Variants in COL20A1 observed in about 807,000 individuals in gnomAD.
COL20A1 encodes the protein collagen alpha-1(XX) chain.
Under a neutral mutation model 152.9 loss-of-function variants are expected in COL20A1, and 164 were observed. The observed-to-expected ratio is 1.07, with a 90% CI of 0.94 to 1.22. COL20A1 has a LOEUF of 1.22. COL20A1 is among the 50% of genes most tolerant of loss of function. The pLI, the probability that COL20A1 is intolerant of heterozygous loss-of-function variation, is 0.00. For synonymous variants in COL20A1, 864 were observed against 756.0 expected (o/e 1.14, Z -2.34); for missense variants, 1,873 against 1,744.8 (o/e 1.07, Z -1.31).
intron 24 of COL20A1, 45 bp downstream of exon 24, chr20:63,320,242 T>C: frequency 6.2e-7 from 1 of 1,604,506 alleles, no homozygotes; most frequent in Non-Finnish European, 8.5e-7. Flanking sequence ...TGGTGGGGGC[T>C]GGCAGCCTCT....
Position 63,316,544 on chromosome 20 carries a change from C to T in COL20A1, c.2525-9C>T. Reference sequence around the variant, plus strand: ...CCCTCGGTGCCCCTTCCCCCACCATCTTCCCCAGGGTTTGACCTGATGGTG... The same window carrying T: ...CCCTCGGTGCCCCTTCCCCCACCATTTTCCCCAGGGTTTGACCTGATGGTG... On this transcript the variant is annotated splice_polypyrimidine_tract_variant and intron_variant, in intron 20 of 35. Coordinates refer to ENST00000358894, the MANE Select transcript of COL20A1 (RefSeq NM_020882.4). The T allele has an allele frequency of 6.9e-6, 11 of 1,585,450 alleles. No homozygotes were observed. Among genetic ancestry groups the T allele is most frequent in the Non-Finnish European group, 8.6e-6 (10 of 1,166,776 alleles).
chr20:63,299,602 C>T (rs75941628), intron 3 of COL20A1, among the ~76,000 whole-genome samples: 8,586 of 152,226 alleles, frequency 0.056, 328 homozygotes, highest in Middle Eastern at 0.11. Context: ...GCCCAGTGCC[C>T]GTAACCACTG....
chr20:63,311,931 C>G lies in COL20A1; in HGVS notation c.1679C>G (p.Pro560Arg). ...IRARTPTLAP[P>R]RHLGFSDVSH... ...TGCTTTGCAGCCACCCTGGCCCCCC[C>G]GAGACACCTGGGCTTCTCAGACGTG... The change falls in exon 14 of 36, where the codon CCG becomes CGG. Residue 560 changes from proline (P) to arginine (R), a missense_variant. Pro to Arg is a moderately radical substitution (Grantham distance 103, BLOSUM62 -2). Coordinates refer to ENST00000358894, the MANE Select transcript of COL20A1 (RefSeq NM_020882.4). This position sits in a 1 kb window ranked among gnomAD's most constrained non-coding sequence, Gnocchi z 4.4. The G allele has an allele frequency of 6.4e-7, 1 of 1,565,624 alleles. No homozygotes were observed. Among genetic ancestry groups the G allele is most frequent in the South Asian group, 1.2e-5 (1 of 85,470 alleles).
rs6089882 is a variant in COL20A1 at position 63,323,732 on chromosome 20, G to C, written c.3294+1621G>C. Among the ~76,000 whole-genome samples the C allele has an allele frequency of 3.2e-3, 491 of 152,332 alleles. 4 individuals are homozygous for C. Among genetic ancestry groups the C allele is most frequent in the African/African-American group, 0.011 (464 of 41,566 alleles). ...TGATGTGTCTGTTGTTCACAGGCGA[G>C]GGCTGTGCTGCTTAAATTATTACAG... On this transcript the variant is annotated intron_variant, in intron 27 of 35. Coordinates refer to ENST00000358894, the MANE Select transcript of COL20A1 (RefSeq NM_020882.4).
chr20:63,297,805 C>G, intron 2 of COL20A1, 105 bp from the exon 3 acceptor site: 1 of 852,516 alleles, frequency 1.2e-6, no homozygotes, highest in Admixed American at 2.2e-5. Flanking sequence ...CGGGATAGGA[C>G]TGTGTTCCTC....
In COL20A1 at chr20:63,331,808, G is replaced by A. The variant is rs2068337094; in HGVS notation, c.*1092G>A. ...GAAAAGTATTAAAAAGGAACAAAGA[G>A]AGACCCTTGATATTGACAGAAGGAA... On this transcript the variant is annotated 3_prime_UTR_variant, in exon 36 of 36. Transcript: ENST00000358894. 1 of 152,232 alleles carries A rather than the reference G, an allele frequency of 6.6e-6. No individual in the cohort carries two copies. The highest frequency in any genetic ancestry group is 2.1e-4 in the South Asian group (1 of 4,830). The allele number at this position is 152,232 out of a possible 1,614,324, so 9.4% of individuals were successfully genotyped here. A position where few individuals can be genotyped will look rare whatever the true frequency, so the allele number is the denominator to read the frequency against.
Position 63,325,443 on chromosome 20 carries a change from T to G in COL20A1, c.3297T>G (p.Gly1099=), listed in dbSNP as rs2123432062. 1 of 1,612,114 alleles carries G rather than the reference T, an allele frequency of 6.2e-7. No homozygotes were observed. The highest frequency in any genetic ancestry group is 2.2e-5 in the East Asian group (1 of 44,848). The part of the protein sequence containing the change: ...PGEQGFPGPR[G]PPGVKGEKGD... ...TCCAGCCCATCTTCCCCCTCCAGGG[T>G]CCACCAGGGGTCAAAGGAGAGAAGG... The change falls in exon 28 of 36, where the codon GGT becomes GGG. Residue 1099 remains glycine, a splice_region_variant and synonymous_variant. Transcript: ENST00000358894.
intron 30 of COL20A1, 39 bp from the exon 31 acceptor site, chr20:63,326,713 G>A (rs1282677965): frequency 8.2e-6 from 11 of 1,346,464 alleles, no homozygotes; most frequent in African/African-American, 3.1e-5. Flanking sequence ...CAGATTTGCT[G>A]GGGGCCCAAG....
rs747153432 is a variant in COL20A1, at chr20:63,319,162, C to G, written c.2768C>G (p.Ala923Gly). The stretch of plus-strand genomic sequence containing the variant: ...GCCTTCGCGCTGTGGCAGATGACAG[C>G]CGAGGACTTCCAGCCCCTCCTTGGG... ...REAFALWQMT[A>G]EDFQPLLGVL... The change falls in exon 22 of 36, where the codon GCC becomes GGC. Residue 923 changes from alanine to glycine, a missense_variant. Ala to Gly is a moderately conservative substitution (Grantham distance 60, BLOSUM62 0). Transcript: ENST00000358894. The surrounding 1 kb of genome is among the most constrained non-coding windows in gnomAD (Gnocchi z 4.4). 3.7e-6 allele frequency: 6 copies of G among 1,612,882 alleles called. No individual in the cohort carries two copies. Among genetic ancestry groups the G allele is most frequent in the Non-Finnish European group, 5.1e-6 (6 of 1,179,744 alleles).
At position 63,334,380 on chromosome 20, in the gene COL20A1, G is replaced by A. The variant is rs999548647; in HGVS notation, c.*3664G>A. On this transcript the variant is annotated 3_prime_UTR_variant, in exon 36 of 36. Transcript: ENST00000358894. ...TGTGCTGCAGCTGCAGTGGTACCTA[G>A]AGGGCAATTTATAGCTGTAAATACA... 6.6e-6 allele frequency: 1 copy of A among 152,226 alleles called. No individual in the cohort carries two copies. Among genetic ancestry groups the A allele is most frequent in the African/African-American group, 2.4e-5 (1 of 41,454 alleles). The allele number at this position is 152,226 out of a possible 1,614,324, so 9.4% of individuals were successfully genotyped here. A position where few individuals can be genotyped will look rare whatever the true frequency, so the allele number is the denominator to read the frequency against.
At position 63,305,499 on chromosome 20, in the gene COL20A1, C is replaced by T; in HGVS notation, c.276C>T (p.Thr92=). 6.2e-7 allele frequency: 1 copy of T among 1,608,156 alleles called. No homozygotes were observed. Among genetic ancestry groups the T allele is most frequent in the Non-Finnish European group, 8.5e-7 (1 of 1,177,770 alleles). Reference sequence around the variant, plus strand: ...GCCTGAGCCCCTCCAAGGGCTACACCTTGCAGATCTTCGAGCTCACTGGCT... The same window carrying T: ...GCCTGAGCCCCTCCAAGGGCTACACTTTGCAGATCTTCGAGCTCACTGGCT... ...VGGLSPSKGY[T]LQIFELTGSG... The change falls in exon 4 of 36, where the codon ACC becomes ACT. Residue 92 remains threonine (T), a synonymous_variant. Coordinates refer to ENST00000358894, the MANE Select transcript of COL20A1 (RefSeq NM_020882.4). This position sits in a 1 kb window ranked among gnomAD's most constrained non-coding sequence, Gnocchi z 4.9.
chr20:63,309,446 A>G lies in COL20A1; in HGVS notation c.1054A>G (p.Ser352Gly). Residue 352 changes from serine (S) to glycine (G), a missense_variant, in exon 9 of 36, where the codon AGC becomes GGC. Transcript: ENST00000358894. ...LQLGALAGLLSRLICQRLQGG... is the reference protein window; with the variant it reads ...LQLGALAGLLGRLICQRLQGG... ...GCTCGGCGCGCTGGCTGGCCTGCTC[A>G]GCCGTCTCATCTGCCAGAGGCTCCA... 1.3e-6 allele frequency: 2 copies of G among 1,541,028 alleles called. No homozygotes were observed. The highest frequency in any genetic ancestry group is 8.8e-7 in the Non-Finnish European group (1 of 1,140,588).
Position 63,312,081 on chromosome 20 carries a change from C to G in COL20A1, c.1803+26C>G, listed in dbSNP as rs752194927. 4 of 1,528,986 alleles carry G rather than the reference C, an allele frequency of 2.6e-6. No homozygotes were observed. The African/African-American group carries it at 5.5e-5, about 21-fold the overall frequency. The allele number at this position is 1,528,986 out of a possible 1,614,324, so 94.7% of individuals were successfully genotyped here. ...GTGAGAGCAGAGCCCTCCGGGGGCCCGAGTGTCTTGAGGGACCACAGGGCC... is the reference window on the plus strand; with the variant it reads ...GTGAGAGCAGAGCCCTCCGGGGGCCGGAGTGTCTTGAGGGACCACAGGGCC... On this transcript the variant is annotated intron_variant, in intron 14 of 35. Coordinates refer to ENST00000358894, the MANE Select transcript of COL20A1 (RefSeq NM_020882.4).
rs1188084905 is a variant in COL20A1, at chr20:63,306,420, C to T, written c.496+381C>T. Among the ~76,000 whole-genome samples, 1 of 152,260 alleles carries T rather than the reference C, an allele frequency of 6.6e-6. No individual in the cohort carries two copies. The highest frequency in any genetic ancestry group is 6.5e-5 in the Admixed American group (1 of 15,286). On this transcript the variant is annotated intron_variant, in intron 5 of 35. Transcript: ENST00000358894. The surrounding 1 kb of genome is among the most constrained non-coding windows in gnomAD (Gnocchi z 6.9). ...CTTTAACTTAAAGTTGCCATGTTCC[C>T]AGGTTCACTCAAGCCAGGCCACTGG...
Position 63,319,928 on chromosome 20 carries a change from A to ACCCCAGGTCCCAGGGATGGGTGTTACT in COL20A1, c.2917-104_2917-78dup. 1 of 1,095,304 alleles carries ACCCCAGGTCCCAGGGATGGGTGTTACT rather than the reference A, an allele frequency of 9.1e-7. No homozygotes were observed. Among genetic ancestry groups the ACCCCAGGTCCCAGGGATGGGTGTTACT allele is most frequent in the South Asian group, 1.6e-5 (1 of 63,390 alleles). The allele number at this position is 1,095,304 out of a possible 1,614,324, so 67.8% of individuals were successfully genotyped here. ...AACCTGAGGTGAGGTCAGGTTCCTG[A>ACCCCAGGTCCCAGGGATGGGTGTTACT]CCCCAGGTCCCAGGGATGGGTGTTA... On this transcript the variant is annotated intron_variant, in intron 23 of 35. Transcript: ENST00000358894. This position sits in a 1 kb window ranked among gnomAD's most constrained non-coding sequence, Gnocchi z 4.4.
Position 63,320,208 on chromosome 20 carries a change from C to A in COL20A1, c.3075+11C>A. ...AGCAGTTCGGCCGCGGTGAGTTGGGCCCTGCCCACCTGCTGGGCCACGCTG... is the reference window on the plus strand; with the variant it reads ...AGCAGTTCGGCCGCGGTGAGTTGGGACCTGCCCACCTGCTGGGCCACGCTG... On this transcript the variant is annotated intron_variant, in intron 24 of 35. Transcript: ENST00000358894. 1 of 1,596,830 alleles carries A rather than the reference C, an allele frequency of 6.3e-7. No individual in the cohort carries two copies.
intron 35 of COL20A1, among the ~76,000 whole-genome samples, chr20:63,330,249 T>TG (rs1357809197): frequency 3.9e-5 from 6 of 151,976 alleles, no homozygotes; most frequent in African/African-American, 1.5e-4. Flanking sequence ...CAGGAGCAGG[T>TG]GGTGGGTACA....
intron 1 of COL20A1, among the ~76,000 whole-genome samples, chr20:63,294,204 C>CGGGGG: frequency 4.0e-5 from 1 of 25,028 alleles, no homozygotes; most frequent in Non-Finnish European, 7.8e-5. Flanking sequence ...ACTGGGGGTG[C>CGGGGG]AGGGGACTGG....
intron 3 of COL20A1, among the ~76,000 whole-genome samples, chr20:63,299,612 G>A (rs922119642): frequency 1.9e-4 from 29 of 152,136 alleles, no homozygotes; most frequent in African/African-American, 6.8e-4. Flanking sequence ...CGTAACCACT[G>A]AGCTGTTTTC....
Sources: gnomAD v4.1 joint callset for allele counts (sites outside exome capture counted in the v4.1 genomes callset) on GRCh38, gnomAD v4.1.1 for gene constraint, Gnocchi (gnomAD v3.1) non-coding constraint, MANE v1.5 for transcripts, NCBI Gene and HGNC (gene_info 2026-07-23, HGNC 2026-07-21) for gene names.